OSBPL10: variants seen among roughly 807,000 people sequenced by gnomAD.
OSBPL10 encodes the protein oxysterol-binding protein-related protein 10.
In OSBPL10, 49 loss-of-function variants were observed where a neutral mutation model predicts 81.7. That is an observed-to-expected ratio of 0.60 (90% CI 0.48 to 0.76). OSBPL10 has a LOEUF of 0.76. Among genes scored for constraint, OSBPL10 ranks in the 30% least tolerant of loss-of-function variants. OSBPL10 has a pLI of 0.00. For synonymous variants in OSBPL10, 419 were observed against 383.6 expected (o/e 1.09, Z -1.08); for missense variants, 923 against 987.8 (o/e 0.93, Z 0.88).
chr3:31,729,821 T>A (rs3792537), intron 6 of OSBPL10, among the ~76,000 whole-genome samples: 1 of 151,848 alleles, frequency 6.6e-6, no homozygotes, highest in African/African-American at 2.4e-5. Flanking sequence ...CGCACCCAGG[T>A]AGGTGGGACT....
At chr3:31,808,352 G>C (rs2125466347) in intron 4 of OSBPL10, among the ~76,000 whole-genome samples, 2 of 152,332 alleles carry the variant, frequency 1.3e-5, no homozygotes, top group Admixed American at 1.3e-4. Flanking sequence ...GGTCTTGTCA[G>C]GTGTCATGTT....
At chr3:31,965,011 A>T (rs1000710646) in intron 1 of OSBPL10, among the ~76,000 whole-genome samples, 1 of 152,166 alleles carries the variant, frequency 6.6e-6, no homozygotes, top group East Asian at 1.9e-4. Flanking sequence ...AATTCATCCA[A>T]TGACAACCAA....
chr3:32,017,480 T>C (rs1262274674), intron 2 of OSBPL10, among the ~76,000 whole-genome samples: 1 of 152,030 alleles, frequency 6.6e-6, no homozygotes, highest in Non-Finnish European at 1.5e-5. Context: ...TTACCTAATA[T>C]GGTTTGGCAA....
rs577316648 is a variant in OSBPL10 at position 31,952,580 on chromosome 3, T to C, written c.281+28319A>G. Among the ~76,000 whole-genome samples, 290 of 152,278 alleles carry C rather than the reference T, an allele frequency of 1.9e-3. 1 individual carries two copies. The highest frequency in any genetic ancestry group is 6.7e-3 in the African/African-American group (280 of 41,558). The stretch of plus-strand genomic sequence containing the variant: ...CAGCATGGGGAGCAATGAGAAGGAA[T>C]CAACAACTGAATGAAGGGATGATCA... On this transcript the variant is annotated intron_variant, in intron 1 of 11. Coordinates refer to ENST00000396556, the MANE Select transcript of OSBPL10 (RefSeq NM_017784.5).
intron 1 of OSBPL10, among the ~76,000 whole-genome samples, chr3:31,939,250 T>G (rs1697471403): frequency 6.6e-6 from 1 of 150,902 alleles, no homozygotes; most frequent in South Asian, 2.1e-4. Context: ...GTTCAAACGA[T>G]TCTCCTGCCT....
At chr3:32,013,002 T>C (rs1699275181) in intron 2 of OSBPL10, among the ~76,000 whole-genome samples, 1 of 152,128 alleles carries the variant, frequency 6.6e-6, no homozygotes, top group South Asian at 2.1e-4. Flanking sequence ...ATGGGAGACT[T>C]TAACACCCCA....
intron 1 of OSBPL10, among the ~76,000 whole-genome samples, chr3:31,937,896 C>T (rs1697425423): frequency 6.6e-6 from 1 of 152,192 alleles, no homozygotes; most frequent in Non-Finnish European, 1.5e-5. Context: ...CTCCCTGAGT[C>T]ACCAAGTCCA....
At chr3:31,908,798 G>A (rs1696493621) in intron 1 of OSBPL10, among the ~76,000 whole-genome samples, 1 of 152,196 alleles carries the variant, frequency 6.6e-6, no homozygotes, top group Non-Finnish European at 1.5e-5. Context: ...ATCTCCTACA[G>A]ATGATGGCAG....
intron 6 of OSBPL10, among the ~76,000 whole-genome samples, chr3:31,713,376 C>CT (rs959006084): frequency 1.3e-5 from 2 of 151,972 alleles, no homozygotes; most frequent in African/African-American, 4.8e-5. Context: ...TCACTCAGAT[C>CT]TTTTTTTAAT....
intron 4 of OSBPL10, among the ~76,000 whole-genome samples, chr3:31,779,191 C>T (rs138784787): frequency 2.5e-4 from 38 of 152,202 alleles, no homozygotes; most frequent in African/African-American, 8.4e-4. Flanking sequence ...ACAACTAGCA[C>T]GATGAATAAA....
At chr3:31,703,413 T>C (rs899735648) in intron 6 of OSBPL10, among the ~76,000 whole-genome samples, 2 of 152,174 alleles carry the variant, frequency 1.3e-5, no homozygotes, top group African/African-American at 4.8e-5. Flanking sequence ...CAATTATCAA[T>C]AACAGGTCAG....
chr3:31,856,971 G>A (rs889415193), intron 3 of OSBPL10, among the ~76,000 whole-genome samples: 4 of 152,162 alleles, frequency 2.6e-5, no homozygotes, highest in African/African-American at 9.7e-5. Flanking sequence ...AGCTACGTGG[G>A]TGAATCGCCT....
At chr3:32,010,009 G>A (rs1476726961) in intron 2 of OSBPL10, among the ~76,000 whole-genome samples, 1 of 152,174 alleles carries the variant, frequency 6.6e-6, no homozygotes, top group Non-Finnish European at 1.5e-5. Context: ...TTGGAGACAG[G>A]ATCTTTGCAA....
chr3:31,954,854 TTGCTC>T (rs1697962163), intron 1 of OSBPL10, among the ~76,000 whole-genome samples: 1 of 152,192 alleles, frequency 6.6e-6, no homozygotes, highest in African/African-American at 2.4e-5. Context: ...TGTCAGCAGT[TTGCTC>T]TGAAATGTAT....
At chr3:31,995,693 T>C (rs563412836) in intron 2 of OSBPL10, among the ~76,000 whole-genome samples, 4 of 152,178 alleles carry the variant, frequency 2.6e-5, no homozygotes, top group Non-Finnish European at 5.9e-5. Context: ...GCATAAGAAA[T>C]TATGAAAGTA....
In OSBPL10 at chr3:31,911,925, A is replaced by C. The variant is rs563736008; in HGVS notation, c.282-32095T>G. On this transcript the variant is annotated intron_variant, in intron 1 of 11. Coordinates refer to ENST00000396556, the MANE Select transcript of OSBPL10 (RefSeq NM_017784.5). Reference sequence around the variant, plus strand: ...GGCAGGTGCTGGAAGGTCAGGCCCCAACAGGAAATTTCCCCTAATCCTCCA... The same window carrying C: ...GGCAGGTGCTGGAAGGTCAGGCCCCCACAGGAAATTTCCCCTAATCCTCCA... Among the ~76,000 whole-genome samples the C allele has an allele frequency of 2.6e-5, 4 of 152,050 alleles. No individual in the cohort carries two copies. The East Asian group carries it at 7.7e-4, about 29-fold the overall frequency.
At chr3:31,810,261 T>C (rs1019807820) in intron 4 of OSBPL10, among the ~76,000 whole-genome samples, 2 of 152,314 alleles carry the variant, frequency 1.3e-5, no homozygotes, top group Admixed American at 6.5e-5. Context: ...TGGTTTGTGG[T>C]AATATTGCAC....
In OSBPL10 at chr3:31,879,091, C is replaced by T. The variant is rs1701555826; in HGVS notation, c.457+564G>A. On this transcript the variant is annotated intron_variant, in intron 2 of 11. Transcript: ENST00000396556. ...GGGATGCTGGGCAGGTATCCATTTT[C>T]TTTTTTTTCTTTATTAAAGCAAAGA... Among the ~76,000 whole-genome samples the T allele has an allele frequency of 2.6e-5, 4 of 152,040 alleles. No homozygotes were observed. In the South Asian group the frequency reaches 8.3e-4, roughly 32 times the overall value.
At chr3:32,029,342 G>C (rs1424929742) in intron 2 of OSBPL10, among the ~76,000 whole-genome samples, 4 of 151,970 alleles carry the variant, frequency 2.6e-5, no homozygotes, top group Non-Finnish European at 5.9e-5. Context: ...CTAAGTTTTA[G>C]GGTACATGTG....
Sources: gnomAD v4.1 joint callset for allele counts (sites outside exome capture counted in the v4.1 genomes callset) on GRCh38, gnomAD v4.1.1 for gene constraint, MANE v1.5 for transcripts, NCBI Gene and HGNC (gene_info 2026-07-23, HGNC 2026-07-21) for gene names.